The following ABLIM1 variants were observed in gnomAD, a reference collection of about 807,000 sequenced individuals.
The protein encoded by ABLIM1 is actin-binding LIM protein 1.
Under a neutral mutation model 107.0 loss-of-function variants are expected in ABLIM1, and 40 were observed. The observed-to-expected ratio is 0.37, with a 90% CI of 0.29 to 0.49. The LOEUF is 0.49. ABLIM1 is among the 20% of genes least tolerant of loss of function. The pLI, the probability that ABLIM1 is intolerant of heterozygous loss-of-function variation, is 0.97. For synonymous variants in ABLIM1, 357 were observed against 357.3 expected, an observed-to-expected ratio of 1.00 and a Z score of 0.01; for missense variants, 857 against 1,008.5, an observed-to-expected ratio of 0.85 and a Z score of 2.04.
At chr10:114,462,683 G>A (rs899977055) in intron 12 of ABLIM1, among the ~76,000 whole-genome samples, 10 of 151,916 alleles carry the variant, frequency 6.6e-5, no homozygotes, top group African/African-American at 2.2e-4. Context: ...GACACGTTGC[G>A]TATTGAACCC....
intron 4 of ABLIM1, 126 bp from the exon 5 acceptor site, chr10:114,547,902 G>C: frequency 7.7e-7 from 1 of 1,298,940 alleles, no homozygotes; most frequent in Non-Finnish European, 1.0e-6. Flanking sequence ...GCACCATCTC[G>C]GGTCAGTTTC....
chr10:114,720,017 C>T (rs1329773367), intron 1 of ABLIM1, among the ~76,000 whole-genome samples: 1 of 152,100 alleles, frequency 6.6e-6, no homozygotes, highest in Non-Finnish European at 1.5e-5. Flanking sequence ...TTTCCTGATG[C>T]TCTCCCTTCC....
At chr10:114,547,583 G>A (rs1323361860) in intron 5 of ABLIM1, 67 bp downstream of exon 5, 1 of 1,598,492 alleles carries the variant, frequency 6.3e-7, no homozygotes. Flanking sequence ...CCTGAGACCA[G>A]GACCTGCAGA....
the ABLIM1 span, among the ~76,000 whole-genome samples, chr10:114,793,496 A>G: frequency 6.6e-6 from 1 of 152,142 alleles, no homozygotes; most frequent in African/African-American, 2.4e-5. Context: ...TTTTCTTTAT[A>G]AATTACCCAG....
At chr10:114,788,474 T>C in the ABLIM1 span, among the ~76,000 whole-genome samples, 2 of 147,832 alleles carry the variant, frequency 1.4e-5, no homozygotes, top group East Asian at 2.0e-4. Flanking sequence ...ACGCCTGTAA[T>C]CCCAGCACTT....
chr10:114,749,707 A>C (rs532549194), intron 1 of ABLIM1, among the ~76,000 whole-genome samples: 13 of 151,942 alleles, frequency 8.6e-5, no homozygotes, highest in Admixed American at 3.3e-4. Flanking sequence ...CCCACGCCCC[A>C]CCATCTCTCT....
intron 10 of ABLIM1, among the ~76,000 whole-genome samples, chr10:114,471,384 T>C (rs2066517121): frequency 6.6e-6 from 1 of 152,168 alleles, no homozygotes; most frequent in Non-Finnish European, 1.5e-5. Flanking sequence ...CATTAGTAAA[T>C]TCTCATCCAC....
At chr10:114,690,450 C>T (rs2081050853) in intron 1 of ABLIM1, 3 of 1,596,732 alleles carry the variant, frequency 1.9e-6, no homozygotes, top group Middle Eastern at 1.7e-4. Context: ...GAAGTCACCA[C>T]CCTGACACAT....
intron 6 of ABLIM1, among the ~76,000 whole-genome samples, chr10:114,492,713 T>C (rs1479263277): frequency 1.3e-5 from 2 of 152,226 alleles, no homozygotes; most frequent in African/African-American, 2.4e-5. Flanking sequence ...GATTAAATCA[T>C]TTCCATCAAT....
chr10:114,641,595 T>C (rs1251001124), intron 1 of ABLIM1, among the ~76,000 whole-genome samples: 1 of 152,106 alleles, frequency 6.6e-6, no homozygotes, highest in Non-Finnish European at 1.5e-5. Flanking sequence ...GGAGAAGCTG[T>C]GGTTTTAAGT....
intron 6 of ABLIM1, among the ~76,000 whole-genome samples, chr10:114,542,480 AGAAAGAT>A (rs1249211699): frequency 6.6e-6 from 1 of 151,516 alleles, no homozygotes; most frequent in African/African-American, 2.4e-5. Context: ...TGAAGAAGGA[AGAAAGAT>A]GAAAGAAGAA....
chr10:114,565,788 C>CTTTTTTT (rs577896964), intron 4 of ABLIM1, among the ~76,000 whole-genome samples: 2,018 of 100,776 alleles, frequency 0.02, 151 homozygotes, highest in Middle Eastern at 0.027. Context: ...GAAATGATTT[C>CTTTTTTT]TTTTTTTTTT....
At chr10:114,560,716 G>A (rs1019746013) in intron 4 of ABLIM1, among the ~76,000 whole-genome samples, 3 of 152,158 alleles carry the variant, frequency 2.0e-5, no homozygotes, top group Non-Finnish European at 2.9e-5. Context: ...CAACCGCACA[G>A]ACAAATGATA....
At chr10:114,649,846 C>T (rs2079164389) in intron 1 of ABLIM1, among the ~76,000 whole-genome samples, 1 of 123,560 alleles carries the variant, frequency 8.1e-6, no homozygotes, top group African/African-American at 3.4e-5. Flanking sequence ...CAATCCATAT[C>T]CCCCCTCTTT....
Position 114,545,082 on chromosome 10 carries a change from A to G in ABLIM1, c.817T>C (p.Cys273Arg). ...EYISKDGAPYCEKDYQGLFGV... is the reference protein window; with the variant it reads ...EYISKDGAPYREKDYQGLFGV... ...AAGAGTCCCTGGTAGTCCTTTTCACAGTACGGAGCACCATCCCTGCAAGAC... is the reference window on the plus strand; with the variant it reads ...AAGAGTCCCTGGTAGTCCTTTTCACGGTACGGAGCACCATCCCTGCAAGAC... The change falls in exon 6 of 23, where the codon TGT (cysteine) becomes CGT (arginine). Residue 273 changes from cysteine to arginine, a missense_variant. Physicochemically the swap from Cys to Arg is radical, Grantham distance 180. Transcript: ENST00000533213. 1 of 1,614,160 alleles carries G rather than the reference A, an allele frequency of 6.2e-7. No homozygotes were observed.
intron 1 of ABLIM1, among the ~76,000 whole-genome samples, chr10:114,611,731 C>T (rs533088105): frequency 6.6e-6 from 1 of 152,278 alleles, no homozygotes; most frequent in South Asian, 2.1e-4. Context: ...ATGTGCTGCA[C>T]CTGCCTTCTC....
intron 1 of ABLIM1, among the ~76,000 whole-genome samples, chr10:114,650,806 T>G (rs1456240658): frequency 6.6e-6 from 1 of 152,244 alleles, no homozygotes; most frequent in Non-Finnish European, 1.5e-5. Context: ...TAATTGTATT[T>G]GTTATCTAGA....
intron 1 of ABLIM1, among the ~76,000 whole-genome samples, chr10:114,637,035 T>A (rs867724979): frequency 1.3e-4 from 14 of 104,024 alleles, no homozygotes; most frequent in Non-Finnish European, 2.2e-4. Context: ...GCTGTCTCTT[T>A]AAAAAAAAAA....
chr10:114,475,501 A>G (rs1590145412), intron 8 of ABLIM1, among the ~76,000 whole-genome samples: 2 of 152,286 alleles, frequency 1.3e-5, no homozygotes, highest in South Asian at 2.1e-4. Context: ...TTTTTTAACC[A>G]CTGTCTATAC....
Sources: allele counts gnomAD v4.1 joint callset (sites outside exome capture counted in the v4.1 genomes callset), GRCh38; gene constraint gnomAD v4.1.1; transcripts MANE v1.5; gene names NCBI Gene and HGNC (gene_info 2026-07-23, HGNC 2026-07-21).